Variants in SNCAIP observed in about 807,000 individuals in gnomAD.
SNCAIP encodes synphilin-1.
In SNCAIP, 43 loss-of-function variants were observed where a neutral mutation model predicts 86.7. That is an observed-to-expected ratio of 0.50 (90% confidence interval 0.39 to 0.64). The LOEUF is 0.64. SNCAIP is among the 30% of genes least tolerant of loss of function. SNCAIP has a pLI of 0.00. For synonymous variants in SNCAIP, 417 were observed against 427.2 expected, an observed-to-expected ratio of 0.98 and a Z score of 0.29; for missense variants, 981 against 1,103.1, an observed-to-expected ratio of 0.89 and a Z score of 1.57.
chr5:122,455,472 C>T (rs1784557612), intron 10 of SNCAIP, among the ~76,000 whole-genome samples: 1 of 152,154 alleles, frequency 6.6e-6, no homozygotes, highest in Non-Finnish European at 1.5e-5. Flanking sequence ...TGCTTGACCA[C>T]CAAATGGCTC....
intron 9 of SNCAIP, among the ~76,000 whole-genome samples, chr5:122,450,177 T>C (rs1228428013): frequency 6.6e-6 from 1 of 152,216 alleles, no homozygotes; most frequent in Non-Finnish European, 1.5e-5. Flanking sequence ...ATTTACTCTT[T>C]TGTAAGAATT....
chr5:122,451,850 G>A (rs1284033201), intron 10 of SNCAIP: 3 of 460,914 alleles, frequency 6.5e-6, no homozygotes, highest in Non-Finnish European at 1.2e-5. Context: ...TTATATTCTG[G>A]TCCATAAATT....
At chr5:122,417,245 A>G (rs1033006890) in intron 3 of SNCAIP, among the ~76,000 whole-genome samples, 4 of 152,194 alleles carry the variant, frequency 2.6e-5, no homozygotes, top group Admixed American at 1.3e-4. Flanking sequence ...TGTGTCAGCA[A>G]TCAGCATAGC....
At chr5:122,401,159 G>T (rs1377802767) in intron 2 of SNCAIP, 3 of 1,541,914 alleles carry the variant, frequency 1.9e-6, no homozygotes, top group Non-Finnish European at 2.6e-6. Context: ...ACTTATAAAA[G>T]GCCATCTGTC....
intron 8 of SNCAIP, among the ~76,000 whole-genome samples, chr5:122,448,152 G>C (rs964609086): frequency 6.6e-6 from 1 of 152,142 alleles, no homozygotes; most frequent in Non-Finnish European, 1.5e-5. Flanking sequence ...GGAGAACATT[G>C]GGCCAATATC....
chr5:122,347,765 T>C (rs1758906452), intron 1 of SNCAIP, among the ~76,000 whole-genome samples: 1 of 152,090 alleles, frequency 6.6e-6, no homozygotes, highest in South Asian at 2.1e-4. Flanking sequence ...GTATCTTATT[T>C]TTAGAAATTA....
At chr5:122,410,815 C>T (rs115618866) in intron 3 of SNCAIP, among the ~76,000 whole-genome samples, 18,955 of 152,124 alleles carry the variant, frequency 0.12, 1,233 homozygotes, top group South Asian at 0.24. Context: ...AGCGAGATTC[C>T]GTCTCAAAAA....
At chr5:122,374,677 C>T (rs1299263317) in intron 1 of SNCAIP, among the ~76,000 whole-genome samples, 1 of 152,052 alleles carries the variant, frequency 6.6e-6, no homozygotes, top group Non-Finnish European at 1.5e-5. Context: ...AAATTGTCAT[C>T]ACAACATTTG....
chr5:122,397,050 T>C (rs1770766231), intron 2 of SNCAIP, among the ~76,000 whole-genome samples: 1 of 152,204 alleles, frequency 6.6e-6, no homozygotes. Context: ...TTTATATTAC[T>C]AGTTCATAAT....
intron 2 of SNCAIP, among the ~76,000 whole-genome samples, chr5:122,398,508 A>G (rs1771099408): frequency 6.6e-6 from 1 of 151,866 alleles, no homozygotes; most frequent in Non-Finnish European, 1.5e-5. Flanking sequence ...CTCTGCTGTC[A>G]CTCCCAGCTT....
At chr5:122,342,621 G>A (rs1373256825) in intron 1 of SNCAIP, among the ~76,000 whole-genome samples, 2 of 152,176 alleles carry the variant, frequency 1.3e-5, no homozygotes, top group South Asian at 2.1e-4. Flanking sequence ...TACAGATGAA[G>A]AAACAGGCTT....
intron 1 of SNCAIP, among the ~76,000 whole-genome samples, chr5:122,380,269 G>C (rs1235212498): frequency 1.3e-5 from 2 of 152,170 alleles, no homozygotes; most frequent in Non-Finnish European, 2.9e-5. Context: ...TTATTCTTGG[G>C]AGAGTGTATG....
At chr5:122,351,238 A>T (rs76413194) in intron 1 of SNCAIP, among the ~76,000 whole-genome samples, 1,707 of 152,212 alleles carry the variant, frequency 0.011, 29 homozygotes, top group African/African-American at 0.039. Flanking sequence ...TGCAGAAGAA[A>T]ATTTAAAATG....
At chr5:122,355,323 T>C (rs1580630713) in intron 1 of SNCAIP, among the ~76,000 whole-genome samples, 1 of 152,218 alleles carries the variant, frequency 6.6e-6, no homozygotes, top group Non-Finnish European at 1.5e-5. Context: ...ATGAGAGTTT[T>C]TTTCAAGTTC....
chr5:122,320,874 G>A (rs138921713), intron 1 of SNCAIP, among the ~76,000 whole-genome samples: 103 of 152,252 alleles, frequency 6.8e-4, no homozygotes, highest in African/African-American at 2.4e-3. Flanking sequence ...TTTATATTCT[G>A]GTCTCTCTTG....
At chr5:122,387,388 G>A (rs533770344) in intron 1 of SNCAIP, among the ~76,000 whole-genome samples, 2 of 152,270 alleles carry the variant, frequency 1.3e-5, no homozygotes, top group East Asian at 3.9e-4. Context: ...TCCTGACCTC[G>A]TGATCCGTCC....
intron 1 of SNCAIP, among the ~76,000 whole-genome samples, chr5:122,325,935 C>T (rs931500345): frequency 6.6e-6 from 1 of 152,104 alleles, no homozygotes; most frequent in African/African-American, 2.4e-5. Flanking sequence ...TTTCTGTGCA[C>T]GTCGTACACA....
chr5:122,371,291 A>T (rs1182269919), intron 1 of SNCAIP: 2 of 150,658 alleles, frequency 1.3e-5, no homozygotes, highest in Non-Finnish European at 2.9e-5. Context: ...TAGGTAACAG[A>T]GCAAGACCTT....
At chr5:122,448,613 T>A (rs1284545057) in intron 8 of SNCAIP, among the ~76,000 whole-genome samples, 3 of 141,030 alleles carry the variant, frequency 2.1e-5, no homozygotes, top group East Asian at 2.0e-4. Flanking sequence ...TTATATATAT[T>A]TTTATATATA....
Sources: allele counts gnomAD v4.1 joint callset (sites outside exome capture counted in the v4.1 genomes callset), GRCh38; gene constraint gnomAD v4.1.1; transcripts MANE v1.5; gene names NCBI Gene and HGNC (gene_info 2026-07-23, HGNC 2026-07-21).